Variants in DOCK3 observed in about 807,000 individuals in gnomAD.
DOCK3 encodes dedicator of cytokinesis protein 3.
In DOCK3, 60 loss-of-function variants were observed where a neutral mutation model predicts 265.6. That is an observed-to-expected ratio of 0.23 (90% confidence interval 0.18 to 0.28). The LOEUF (loss-of-function observed/expected upper bound fraction) is 0.28. DOCK3 is among the 10% of genes least tolerant of loss of function. The probability of loss-of-function intolerance (pLI) is 1.00; values close to 1 mark genes in which losing one functional copy is unlikely to be tolerated. For synonymous variants in DOCK3, 881 were observed against 938.0 expected, an observed-to-expected ratio of 0.94 and a Z score of 1.11; for missense variants, 1,981 against 2,594.3, an observed-to-expected ratio of 0.76 and a Z score of 5.14.
rs1441565914 is a variant in DOCK3 at position 51,383,602 on chromosome 3, T to G, written c.*2043T>G. ...GGTAGGGAGGGGAGTATGGGTTCAT[T>G]TGGCTTCGCATTATGCAAGGTGAAA... On this transcript the variant is annotated 3_prime_UTR_variant, in exon 53 of 53. Transcript: ENST00000266037. 1.3e-5 allele frequency: 2 copies of G among 152,334 alleles called. No individual in the cohort carries two copies. Among genetic ancestry groups the G allele is most frequent in the African/African-American group, 4.8e-5 (2 of 41,452 alleles). 9.4% of individuals were successfully genotyped at this position (152,334 alleles called of 1,614,324 possible).
intron 19 of DOCK3, among the ~76,000 whole-genome samples, chr3:51,235,282 C>T (rs754554107): frequency 7.9e-5 from 12 of 152,118 alleles, no homozygotes; most frequent in Non-Finnish European, 1.8e-4. Flanking sequence ...TCATATTTTC[C>T]TTCTAAGAAT....
intron 3 of DOCK3, among the ~76,000 whole-genome samples, chr3:50,884,730 C>G (rs527581529): frequency 6.3e-4 from 95 of 151,928 alleles, no homozygotes; most frequent in African/African-American, 2.2e-3. Context: ...TAAAATTTTA[C>G]ATTTCAAATT....
intron 9 of DOCK3, among the ~76,000 whole-genome samples, chr3:51,145,499 C>T (rs1001828384): frequency 4.6e-5 from 7 of 152,190 alleles, no homozygotes; most frequent in African/African-American, 1.7e-4. Flanking sequence ...GCAAGCTTGT[C>T]CAACCTGTGG....
intron 5 of DOCK3, among the ~76,000 whole-genome samples, chr3:50,976,601 G>GA (rs1307218302): frequency 1.3e-5 from 2 of 150,094 alleles, no homozygotes; most frequent in Non-Finnish European, 1.5e-5. Context: ...GTGTGGTGCT[G>GA]AAAAAAATGT....
At chr3:51,356,564 T>C (rs916674030) in intron 43 of DOCK3, 71 bp downstream of exon 43, 3 of 1,497,622 alleles carry the variant, frequency 2.0e-6, no homozygotes, top group Middle Eastern at 1.7e-4. Flanking sequence ...GGCCCTTCTC[T>C]AAGGACTAAA....
rs372010434 is a variant in DOCK3 at position 51,310,339 on chromosome 3, G to A, written c.3017+13G>A. 4 of 1,574,304 alleles carry A rather than the reference G, an allele frequency of 2.5e-6. No individual in the cohort carries two copies. Among genetic ancestry groups the A allele is most frequent in the Non-Finnish European group, 3.5e-6 (4 of 1,156,492 alleles). Reference sequence around the variant, plus strand: ...TGCTCACAAGCAAGTAAGTATGGAAGGGCTCTGTATCAGCATCACTGAGCT... The same window carrying A: ...TGCTCACAAGCAAGTAAGTATGGAAAGGCTCTGTATCAGCATCACTGAGCT... On this transcript the variant is annotated intron_variant, in intron 28 of 52. Transcript: ENST00000266037.
At chr3:50,760,798 TTTGAGATGGAGTC>T (rs2040480731) in intron 1 of DOCK3, among the ~76,000 whole-genome samples, 1 of 152,064 alleles carries the variant, frequency 6.6e-6, no homozygotes. Flanking sequence ...TTTTTTTTCT[TTTGAGATGGAGTC>T]TTGCTCTGTC....
chr3:51,050,406 G>A (rs1345485731), intron 5 of DOCK3, among the ~76,000 whole-genome samples: 2 of 152,060 alleles, frequency 1.3e-5, no homozygotes, highest in Admixed American at 6.6e-5. Flanking sequence ...CCAATATTCT[G>A]TTCAGTAAAC....
At chr3:50,791,258 CTTTTTTTT>C (rs34015684) in intron 2 of DOCK3, among the ~76,000 whole-genome samples, 1 of 62,782 alleles carries the variant, frequency 1.6e-5, no homozygotes, top group Non-Finnish European at 3.0e-5. Flanking sequence ...TTAAATCTAT[CTTTTTTTT>C]TTTTTTTTTT....
chr3:51,315,245 T>C, intron 32 of DOCK3, 117 bp downstream of exon 32: 1 of 1,295,872 alleles, frequency 7.7e-7, no homozygotes, highest in Non-Finnish European at 1.0e-6. Context: ...TTGGCTAATT[T>C]GAATCCTGTT....
chr3:51,357,974 G>C lies in DOCK3; in HGVS notation c.4781G>C (p.Gly1594Ala). The change falls in exon 46 of 53, where the codon GGA becomes GCA. Residue 1594 changes from glycine (G) to alanine (A), a missense_variant. By Grantham distance (60) the Gly-to-Ala change is moderately conservative (BLOSUM62 0). Coordinates refer to ENST00000266037, the MANE Select transcript of DOCK3 (RefSeq NM_004947.5). Reference sequence around the variant, plus strand: ...TGACTCTGATAGGTTCATGTCCTTGGAGTTGGGCTAGCAGTTCATGAGAAG... The same window carrying C: ...TGACTCTGATAGGTTCATGTCCTTGCAGTTGGGCTAGCAGTTCATGAGAAG... The part of the protein sequence containing the change: ...ELMQEQVHVL[G>A]VGLAVHEKFV... 2 of 1,614,008 alleles carry C rather than the reference G, an allele frequency of 1.2e-6. No individual in the cohort carries two copies. Among genetic ancestry groups the C allele is most frequent in the Non-Finnish European group, 1.7e-6 (2 of 1,179,890 alleles).
intron 5 of DOCK3, among the ~76,000 whole-genome samples, chr3:50,977,839 A>G (rs1047419718): frequency 2.0e-5 from 3 of 151,454 alleles, no homozygotes; most frequent in African/African-American, 4.9e-5. Flanking sequence ...GGCTTTGCTC[A>G]TTTCTTTTTA....
At chr3:51,255,572 ACT>A in intron 22 of DOCK3, among the ~76,000 whole-genome samples, 1 of 151,574 alleles carries the variant, frequency 6.6e-6, no homozygotes, top group African/African-American at 2.4e-5. Flanking sequence ...ATTTCTTTTT[ACT>A]CTTTTTTCTC....
At chr3:51,001,097 G>T (rs1029977961) in intron 5 of DOCK3, among the ~76,000 whole-genome samples, 1 of 152,240 alleles carries the variant, frequency 6.6e-6, no homozygotes, top group African/African-American at 2.4e-5. Flanking sequence ...GAATAAAGCA[G>T]TTGTGATGGT....
At chr3:50,677,402 A>G (rs892826024) in intron 1 of DOCK3, among the ~76,000 whole-genome samples, 1 of 152,200 alleles carries the variant, frequency 6.6e-6, no homozygotes. Context: ...TAGCTTATAC[A>G]TTATACTTAT....
intron 3 of DOCK3, among the ~76,000 whole-genome samples, chr3:50,854,590 C>T (rs1257316528): frequency 5.2e-4 from 3 of 5,812 alleles, no homozygotes; most frequent in East Asian, 0.015. Context: ...ACCATCACAC[C>T]AGTTTTTTTT....
intron 9 of DOCK3, among the ~76,000 whole-genome samples, chr3:51,110,466 A>G (rs1476096888): frequency 2.0e-5 from 3 of 152,174 alleles, no homozygotes; most frequent in Non-Finnish European, 2.9e-5. Flanking sequence ...ATCCAACAGC[A>G]CACCAAAAAG....
chr3:51,362,105 C>T, intron 48 of DOCK3, 108 bp downstream of exon 48: 3 of 1,385,982 alleles, frequency 2.2e-6, no homozygotes, highest in South Asian at 2.9e-5. Context: ...AATTCTCTAG[C>T]TCCTGAATTC....
intron 4 of DOCK3, among the ~76,000 whole-genome samples, chr3:50,919,193 T>C (rs2050296029): frequency 2.6e-5 from 4 of 152,212 alleles, no homozygotes. Context: ...TCAGGTAGTG[T>C]GATGCTTCCA....
Sources: allele counts gnomAD v4.1 joint callset (sites outside exome capture counted in the v4.1 genomes callset), GRCh38; gene constraint gnomAD v4.1.1; transcripts MANE v1.5; gene names NCBI Gene and HGNC (gene_info 2026-07-23, HGNC 2026-07-21).